Variants in WWOX observed in about 807,000 individuals in gnomAD.
The protein encoded by WWOX is WW domain containing oxidoreductase, also known as WW domain-containing oxidoreductase.
A neutral mutation model predicts 46.2 loss-of-function variants in WWOX; 69 were observed. The observed-to-expected ratio is 1.49, with a 90% confidence interval of 1.23 to 1.82. The LOEUF (loss-of-function observed/expected upper bound fraction) is 1.82. Ranked by LOEUF, WWOX falls within the 40% of genes most tolerant of loss-of-function variation. The probability of loss-of-function intolerance (pLI) is 0.00; values close to 1 mark genes in which losing one functional copy is unlikely to be tolerated. For missense variants in WWOX, 919 were observed against 542.6 expected (o/e 1.69, Z -6.89); for synonymous variants, 359 against 202.6 (o/e 1.77, Z -6.56).
intron 8 of WWOX, among the ~76,000 whole-genome samples, chr16:79,076,996 G>C (rs938223108): frequency 6.6e-6 from 1 of 152,166 alleles, no homozygotes; most frequent in African/African-American, 2.4e-5. Flanking sequence ...AGGTTGAACT[G>C]TATGAAATGA....
chr16:78,153,639 G>A (rs1483014137), intron 4 of WWOX, among the ~76,000 whole-genome samples: 2 of 152,106 alleles, frequency 1.3e-5, no homozygotes, highest in African/African-American at 4.8e-5. Flanking sequence ...CACCATCTCT[G>A]TGGCCTTTTA....
At chr16:79,036,626 T>G (rs915448404) in intron 8 of WWOX, among the ~76,000 whole-genome samples, 2 of 152,182 alleles carry the variant, frequency 1.3e-5, no homozygotes, top group Admixed American at 1.3e-4. Context: ...ACCAACTCCA[T>G]TCAATTCACA....
At chr16:78,540,011 C>CTT (rs1254032552) in intron 8 of WWOX, among the ~76,000 whole-genome samples, 1,676 of 129,942 alleles carry the variant, frequency 0.013, 27 homozygotes, top group African/African-American at 0.036. Context: ...CTCTCTCTCT[C>CTT]TCTCTCTCTC....
intron 8 of WWOX, among the ~76,000 whole-genome samples, chr16:78,539,163 C>G (rs11640955): frequency 6.6e-6 from 1 of 152,120 alleles, no homozygotes; most frequent in South Asian, 2.1e-4. Context: ...TTGGTTTTCC[C>G]CTAGACTTTG....
chr16:79,194,895 A>T (rs987337043), intron 8 of WWOX, among the ~76,000 whole-genome samples: 3 of 152,114 alleles, frequency 2.0e-5, no homozygotes, highest in African/African-American at 7.2e-5. Flanking sequence ...CCCCCATGCC[A>T]TACTCCCCAA....
chr16:79,092,697 C>A (rs2048987853), intron 8 of WWOX, among the ~76,000 whole-genome samples: 1 of 152,162 alleles, frequency 6.6e-6, no homozygotes, highest in Non-Finnish European at 1.5e-5. Flanking sequence ...ATGTACCTTT[C>A]ATGGACATAA....
intron 8 of WWOX, among the ~76,000 whole-genome samples, chr16:78,738,331 C>T (rs908042014): frequency 6.6e-6 from 1 of 151,968 alleles, no homozygotes; most frequent in Non-Finnish European, 1.5e-5. Context: ...ATTGTTTTTT[C>T]AGTATGGTAA....
chr16:78,646,698 G>C (rs879899876), intron 8 of WWOX, among the ~76,000 whole-genome samples: 1 of 152,178 alleles, frequency 6.6e-6, no homozygotes, highest in East Asian at 1.9e-4. Context: ...GTAGTGATAG[G>C]ATTACAGGCC....
At chr16:78,409,109 G>T (rs949180997) in intron 6 of WWOX, among the ~76,000 whole-genome samples, 1 of 152,144 alleles carries the variant, frequency 6.6e-6, no homozygotes, top group Non-Finnish European at 1.5e-5. Flanking sequence ...CCCACTGGGT[G>T]TAGATTATTC....
intron 8 of WWOX, among the ~76,000 whole-genome samples, chr16:78,534,841 G>C (rs1403693728): frequency 6.6e-6 from 1 of 151,876 alleles, no homozygotes; most frequent in African/African-American, 2.4e-5. Context: ...AGCTTCCTGA[G>C]TAGCTGGGAC....
intron 8 of WWOX, among the ~76,000 whole-genome samples, chr16:78,706,543 G>A (rs1284690162): frequency 2.0e-5 from 3 of 152,114 alleles, no homozygotes; most frequent in African/African-American, 7.2e-5. Context: ...CAACTACAAA[G>A]AAGCTGCAGG....
intron 8 of WWOX, among the ~76,000 whole-genome samples, chr16:78,682,252 T>A (rs748263863): frequency 1.3e-5 from 2 of 152,192 alleles, no homozygotes; most frequent in African/African-American, 2.4e-5. Context: ...TGTCATGAAA[T>A]AACAATCTTC....
At position 78,862,330 on chromosome 16, in the gene WWOX, ATACAT is replaced by A. The variant is rs1443841758; in HGVS notation, c.1057-349275_1057-349271del. 7.3e-5 allele frequency among the ~76,000 whole-genome samples: 11 copies of A among 151,156 alleles called. No individual in the cohort carries two copies. In the South Asian group the frequency reaches 1.3e-3, roughly 17 times the overall value. On this transcript the variant is annotated intron_variant, in intron 8 of 8. Coordinates refer to ENST00000566780, the MANE Select transcript of WWOX (RefSeq NM_016373.4). Reference sequence around the variant, plus strand: ...CCTATGGGTGTGTCTTTCTATATCTATACATTATATGTACTAAATAATATATATAA... The same window carrying A: ...CCTATGGGTGTGTCTTTCTATATCTATATATGTACTAAATAATATATATAA...
chr16:78,841,462 G>A (rs2151169183), intron 8 of WWOX, among the ~76,000 whole-genome samples: 1 of 152,322 alleles, frequency 6.6e-6, no homozygotes, highest in African/African-American at 2.4e-5. Flanking sequence ...TGACCGTGGT[G>A]AGAATATTTA....
rs1325042131 is a variant in WWOX at position 78,998,693 on chromosome 16, C to G, written c.1057-212915C>G. 5.3e-5 allele frequency among the ~76,000 whole-genome samples: 8 copies of G among 152,202 alleles called. No homozygotes were observed. The East Asian group carries it at 1.5e-3, about 29-fold the overall frequency. ...CACAGTGCTCAGCATGCATGAAGGA[C>G]TCTTTCATTATCGTTATTAACTGAT... On this transcript the variant is annotated intron_variant, in intron 8 of 8. Transcript: ENST00000566780.
intron 5 of WWOX, among the ~76,000 whole-genome samples, chr16:78,358,985 C>T (rs1017598106): frequency 3.3e-5 from 5 of 149,772 alleles, no homozygotes; most frequent in African/African-American, 1.2e-4. Context: ...GTAAATTAAT[C>T]CCTTATTGCT....
chr16:78,902,466 G>T (rs1404105713), intron 8 of WWOX, among the ~76,000 whole-genome samples: 2 of 152,246 alleles, frequency 1.3e-5, no homozygotes, highest in Admixed American at 1.3e-4. Flanking sequence ...AGAGGTGGAT[G>T]AAAGGCTAGG....
chr16:78,495,047 C>T (rs1481132666), intron 8 of WWOX, among the ~76,000 whole-genome samples: 7 of 151,642 alleles, frequency 4.6e-5, no homozygotes, highest in East Asian at 1.9e-4. Context: ...GAGGATGTTT[C>T]ATTGATTTAT....
At chr16:78,210,607 G>C (rs1393801010) in intron 5 of WWOX, among the ~76,000 whole-genome samples, 1 of 152,146 alleles carries the variant, frequency 6.6e-6, no homozygotes, top group African/African-American at 2.4e-5. Flanking sequence ...ACACTGCTTA[G>C]TCACCCAAAA....
Sources: gnomAD v4.1 joint callset for allele counts (sites outside exome capture counted in the v4.1 genomes callset) on GRCh38, gnomAD v4.1.1 for gene constraint, MANE v1.5 for transcripts, NCBI Gene and HGNC (gene_info 2026-07-23, HGNC 2026-07-21) for gene names.